The following VPS54 variants were observed in gnomAD, a reference collection of about 807,000 sequenced individuals.
VPS54 encodes VPS54 subunit of GARP complex, also known as vacuolar protein sorting-associated protein 54.
A neutral mutation model predicts 121.5 loss-of-function variants in VPS54; 45 were observed. The ratio of observed to expected loss-of-function variants is 0.37; its 90% CI spans 0.29 to 0.47. The LOEUF (loss-of-function observed/expected upper bound fraction) is 0.47. Among genes scored for constraint, VPS54 ranks in the 20% least tolerant of loss-of-function variants. The pLI is 0.99. For missense variants in VPS54, 1,090 were observed against 1,131.4 expected (o/e 0.96, Z 0.52); for synonymous variants, 371 against 385.8 (o/e 0.96, Z 0.45).
chr2:63,907,474 C>T (rs375949544), intron 20 of VPS54, among the ~76,000 whole-genome samples: 5 of 148,928 alleles, frequency 3.4e-5, no homozygotes, highest in South Asian at 2.1e-4. Context: ...GCTGAGATCG[C>T]GCCATTGCAC....
In VPS54 at chr2:63,914,233, G is replaced by A; in HGVS notation, c.2283C>T (p.Asn761=). ...GCATGTCAGTAGTAACAGATGGGAT[G>A]TTATCCACACACTGGCAATATTCAA... The part of the protein sequence containing the change: ...IILEYCQCVD[N]IPSVTTDMLT... The change falls in exon 17 of 23, where the codon AAC becomes AAT. Residue 761 remains asparagine (N), a synonymous_variant. Transcript: ENST00000272322. The A allele has an allele frequency of 1.2e-6, 2 of 1,613,754 alleles. No individual in the cohort carries two copies. Among genetic ancestry groups the A allele is most frequent in the Non-Finnish European group, 1.7e-6 (2 of 1,179,842 alleles).
intron 16 of VPS54, among the ~76,000 whole-genome samples, chr2:63,915,837 G>C (rs1453878694): frequency 3.3e-5 from 5 of 152,130 alleles, no homozygotes; most frequent in Admixed American, 6.5e-5. Context: ...CATACTTTTT[G>C]AGTGCTTATT....
At chr2:63,920,349 T>A in intron 14 of VPS54, 97 bp downstream of exon 14, 1 of 1,208,556 alleles carries the variant, frequency 8.3e-7, no homozygotes, top group South Asian at 2.8e-5. Flanking sequence ...TTATCAGGCA[T>A]TTTCACTGGC....
chr2:63,994,490 T>C (rs555487076), intron 1 of VPS54, among the ~76,000 whole-genome samples: 10 of 152,184 alleles, frequency 6.6e-5, no homozygotes, highest in Non-Finnish European at 1.2e-4. Flanking sequence ...GAGCTACAGA[T>C]GACCGTTGCC....
intron 1 of VPS54, among the ~76,000 whole-genome samples, chr2:63,992,664 C>A (rs535565785): frequency 6.2e-4 from 94 of 152,312 alleles, no homozygotes; most frequent in Non-Finnish European, 1.2e-3. Context: ...CTGGAATTCT[C>A]CTGTGTTTCT....
intron 11 of VPS54, among the ~76,000 whole-genome samples, chr2:63,935,428 T>C (rs572429898): frequency 2.0e-5 from 3 of 152,290 alleles, no homozygotes; most frequent in South Asian, 4.1e-4. Context: ...GCTGCTCCAC[T>C]ACTGCTGCTT....
intron 3 of VPS54, among the ~76,000 whole-genome samples, chr2:63,974,050 CTATGT>C (rs1676407343): frequency 6.6e-6 from 1 of 152,184 alleles, no homozygotes; most frequent in Non-Finnish European, 1.5e-5. Context: ...AGATTTTCTC[CTATGT>C]TATCATCTAG....
chr2:63,942,541 A>C lies in VPS54; in HGVS notation c.1322T>G (p.Met441Arg). Residue 441 changes from methionine (M) to arginine (R), a missense_variant, in exon 11 of 23, where the codon ATG becomes AGG. By Grantham distance (91) the Met-to-Arg change is moderately conservative. This residue lies in a region of VPS54 where 801 missense variants were observed against 757.0 expected (regional missense o/e 1.06). Coordinates refer to ENST00000272322, the MANE Select transcript of VPS54 (RefSeq NM_016516.3). ...ATCAAACCACTGGGGAAAATTCAAC[A>C]TTCTCATCTGATCTGCAAGCCTAGA... ...VVVKLADQMR[M>R]LNFPQWFDLL... The C allele has an allele frequency of 6.3e-7, 1 of 1,592,758 alleles. No individual in the cohort carries two copies. The highest frequency in any genetic ancestry group is 8.6e-7 in the Non-Finnish European group (1 of 1,168,154).
intron 7 of VPS54, among the ~76,000 whole-genome samples, chr2:63,953,220 C>A (rs993028031): frequency 2.0e-5 from 3 of 150,866 alleles, no homozygotes; most frequent in Non-Finnish European, 4.4e-5. Flanking sequence ...CAACCTCCAC[C>A]TCCCAGGTTC....
At chr2:63,895,261 G>C (rs111492811) in intron 22 of VPS54, among the ~76,000 whole-genome samples, 3 of 152,244 alleles carry the variant, frequency 2.0e-5, no homozygotes, top group African/African-American at 7.2e-5. Context: ...TTTAAGACCA[G>C]CCTGGCCAAC....
rs548110047 is a variant in VPS54 at position 63,972,448 on chromosome 2, C to G, written c.379-204G>C. Among the ~76,000 whole-genome samples, 3 of 152,232 alleles carry G rather than the reference C, an allele frequency of 2.0e-5. No homozygotes were observed. The South Asian group carries it at 6.2e-4, about 32-fold the overall frequency. Reference sequence around the variant, plus strand: ...TATGAGATCTATGCACATCTATATACCTACATCCATTCCATCTCATATAAT... The same window carrying G: ...TATGAGATCTATGCACATCTATATAGCTACATCCATTCCATCTCATATAAT... On this transcript the variant is annotated intron_variant, in intron 3 of 22. Transcript: ENST00000272322.
chr2:63,959,921 G>A (rs1176199052), intron 7 of VPS54, among the ~76,000 whole-genome samples: 1 of 152,124 alleles, frequency 6.6e-6, no homozygotes, highest in African/African-American at 2.4e-5. Context: ...CTCGGGAGCT[G>A]AGGCAGGAGA....
At chr2:63,937,677 G>A (rs1343056286) in intron 11 of VPS54, among the ~76,000 whole-genome samples, 3 of 152,134 alleles carry the variant, frequency 2.0e-5, no homozygotes, top group Non-Finnish European at 4.4e-5. Context: ...GGGCCTCAGA[G>A]AGATATTTGC....
chr2:63,979,477 G>C (rs1575983853), intron 3 of VPS54, among the ~76,000 whole-genome samples: 1 of 152,048 alleles, frequency 6.6e-6, no homozygotes. Flanking sequence ...CTGACCTCAG[G>C]TGATCCACCC....
intron 7 of VPS54, among the ~76,000 whole-genome samples, chr2:63,957,318 T>C (rs1185762452): frequency 1.3e-5 from 2 of 151,616 alleles, no homozygotes; most frequent in East Asian, 3.9e-4. Flanking sequence ...GGCGGGCACC[T>C]GTAGTCCCAG....
intron 20 of VPS54, among the ~76,000 whole-genome samples, chr2:63,901,940 G>C (rs923845826): frequency 1.3e-5 from 2 of 152,066 alleles, no homozygotes; most frequent in Admixed American, 1.3e-4. Context: ...GCTTGAACCC[G>C]GGAGGCAGAA....
chr2:63,997,171 T>C (rs1478371496), intron 1 of VPS54, among the ~76,000 whole-genome samples: 2 of 152,220 alleles, frequency 1.3e-5, no homozygotes, highest in Non-Finnish European at 2.9e-5. Context: ...TTTCGTTTTC[T>C]GATGCGTCTT....
At chr2:63,921,730 C>T (rs891124403) in intron 12 of VPS54, among the ~76,000 whole-genome samples, 5 of 152,144 alleles carry the variant, frequency 3.3e-5, no homozygotes, top group African/African-American at 9.7e-5. Context: ...AATCCTCCCA[C>T]CTCAGCCTCC....
chr2:63,914,073 T>C (rs1673269645), intron 17 of VPS54, 109 bp downstream of exon 17: 2 of 1,069,424 alleles, frequency 1.9e-6, no homozygotes, highest in Non-Finnish European at 2.8e-6. Flanking sequence ...ATAAAACTAA[T>C]GTCTTAAAGT....
Sources: allele counts gnomAD v4.1 joint callset (sites outside exome capture counted in the v4.1 genomes callset), GRCh38; gene constraint gnomAD v4.1.1; regional missense constraint gnomAD v4.1.1; transcripts MANE v1.5; gene names NCBI Gene and HGNC (gene_info 2026-07-23, HGNC 2026-07-21).